Variants in HSD17B12 observed in about 807,000 individuals in gnomAD.
HSD17B12 encodes hydroxysteroid 17-beta dehydrogenase 12.
A neutral mutation model predicts 39.3 loss-of-function variants in HSD17B12; 32 were observed. That is an observed-to-expected ratio of 0.81 (90% CI 0.61 to 1.09). The LOEUF is 1.09. Ranked by LOEUF, HSD17B12 falls within the 50% of genes least tolerant of loss-of-function variation. The pLI is 0.00. For missense variants in HSD17B12, 342 were observed against 382.9 expected, an observed-to-expected ratio of 0.89 and a Z score of 0.89; for synonymous variants, 150 against 146.7, an observed-to-expected ratio of 1.02 and a Z score of -0.16.
chr11:43,715,680 G>A (rs942652730), intron 1 of HSD17B12, among the ~76,000 whole-genome samples: 1 of 152,108 alleles, frequency 6.6e-6, no homozygotes, highest in East Asian at 1.9e-4. Flanking sequence ...CTATTGATTG[G>A]AATAGTTTCA....
chr11:43,571,249 A>G, the HSD17B12 span, among the ~76,000 whole-genome samples: 1 of 152,196 alleles, frequency 6.6e-6, no homozygotes, highest in Non-Finnish European at 1.5e-5. Context: ...GGTTAAGGCT[A>G]AACTTATGCA....
chr11:43,832,755 C>T (rs1321350799), intron 7 of HSD17B12, among the ~76,000 whole-genome samples: 1 of 152,108 alleles, frequency 6.6e-6, no homozygotes, highest in East Asian at 1.9e-4. Context: ...TGAAGCTGGG[C>T]GCAGTGGTTC....
chr11:43,694,822 T>A (rs1046138489), intron 1 of HSD17B12, among the ~76,000 whole-genome samples: 5 of 151,802 alleles, frequency 3.3e-5, no homozygotes, highest in African/African-American at 1.2e-4. Context: ...AGAAAAAAAA[T>A]CTGTAAGAAA....
chr11:43,811,898 T>C (rs1951076885), intron 4 of HSD17B12, among the ~76,000 whole-genome samples: 1 of 152,126 alleles, frequency 6.6e-6, no homozygotes, highest in Non-Finnish European at 1.5e-5. Context: ...CACCTTCTGG[T>C]ATCTATTATT....
At chr11:43,790,455 C>T (rs1184905130) in intron 3 of HSD17B12, among the ~76,000 whole-genome samples, 1 of 152,188 alleles carries the variant, frequency 6.6e-6, no homozygotes, top group South Asian at 2.1e-4. Flanking sequence ...GGAGTCCCCC[C>T]CGTGTCTGCA....
chr11:43,647,337 G>A, the HSD17B12 span, among the ~76,000 whole-genome samples: 1 of 151,966 alleles, frequency 6.6e-6, no homozygotes, highest in African/African-American at 2.4e-5. Flanking sequence ...GTGCAGTGGT[G>A]TGATCATAGC....
intron 6 of HSD17B12, among the ~76,000 whole-genome samples, chr11:43,827,349 G>C (rs918269518): frequency 2.6e-5 from 4 of 152,092 alleles, no homozygotes; most frequent in Admixed American, 2.6e-4. Flanking sequence ...AAATGCCAAA[G>C]ATTACATGAT....
At chr11:43,671,223 G>A in the HSD17B12 span, among the ~76,000 whole-genome samples, 1 of 152,104 alleles carries the variant, frequency 6.6e-6, no homozygotes, top group African/African-American at 2.4e-5. Flanking sequence ...GGAGTGCAGT[G>A]GCGCCATCTT....
chr11:43,653,940 T>C, the HSD17B12 span, among the ~76,000 whole-genome samples: 16 of 152,330 alleles, frequency 1.1e-4, no homozygotes, highest in African/African-American at 3.8e-4. Context: ...AAATGGTATT[T>C]CTAGTTCTAG....
At chr11:43,698,758 C>G (rs1949935915) in intron 1 of HSD17B12, among the ~76,000 whole-genome samples, 1 of 152,140 alleles carries the variant, frequency 6.6e-6, no homozygotes, top group Non-Finnish European at 1.5e-5. Flanking sequence ...GGGCCTTTTC[C>G]CCTCTTCACC....
At chr11:43,743,861 C>A (rs1950390645) in intron 1 of HSD17B12, among the ~76,000 whole-genome samples, 1 of 152,006 alleles carries the variant, frequency 6.6e-6, no homozygotes, top group South Asian at 2.1e-4. Context: ...CTTAGAGGAA[C>A]AAAATATAAA....
Position 43,680,781 on chromosome 11 carries a change from C to CAT in HSD17B12, c.-46_-45insTA, listed in dbSNP as rs1307056120. The CAT allele has an allele frequency of 6.5e-7, 1 of 1,542,752 alleles. No individual in the cohort carries two copies. Among genetic ancestry groups the CAT allele is most frequent in the South Asian group, 1.1e-5 (1 of 89,532 alleles). ...GCCGGCGCCTCCTCCTGGATTCATT[C>CAT]ACTCGCTCTTTTCATTCACGAAGGT... On this transcript the variant is annotated 5_prime_UTR_variant, in exon 1 of 11. Transcript: ENST00000278353.
chr11:43,791,024 CTG>C (rs1263727291), intron 3 of HSD17B12, among the ~76,000 whole-genome samples: 1 of 151,816 alleles, frequency 6.6e-6, no homozygotes, highest in South Asian at 2.1e-4. Flanking sequence ...TAAAAAAAAA[CTG>C]TGTAGGGTGG....
the HSD17B12 span, among the ~76,000 whole-genome samples, chr11:43,571,380 C>G: frequency 4.6e-5 from 7 of 152,202 alleles, no homozygotes; most frequent in Non-Finnish European, 4.4e-5. Flanking sequence ...ATCCCTGCCC[C>G]AGCCTCAGCC....
the HSD17B12 span, among the ~76,000 whole-genome samples, chr11:43,560,517 G>A: frequency 8.5e-5 from 13 of 152,176 alleles, no homozygotes; most frequent in African/African-American, 2.7e-4. Flanking sequence ...CAAACAGAAA[G>A]CATGACCTCT....
intron 3 of HSD17B12, among the ~76,000 whole-genome samples, chr11:43,795,520 A>G (rs1357217022): frequency 6.6e-6 from 1 of 152,206 alleles, no homozygotes; most frequent in African/African-American, 2.4e-5. Flanking sequence ...GGTCAATAGC[A>G]TGCATGTACC....
the HSD17B12 span, among the ~76,000 whole-genome samples, chr11:43,588,966 A>G: frequency 1.1e-4 from 16 of 139,768 alleles, no homozygotes; most frequent in African/African-American, 4.0e-4. Context: ...TTTGCAAATC[A>G]CTCTTTTTGC....
At chr11:43,767,253 T>TA (rs1403361292) in intron 3 of HSD17B12, among the ~76,000 whole-genome samples, 1 of 152,204 alleles carries the variant, frequency 6.6e-6, no homozygotes, top group Non-Finnish European at 1.5e-5. Flanking sequence ...ACCAAGGTGT[T>TA]ATTAAATGAG....
chr11:43,765,633 A>C (rs945504699), intron 3 of HSD17B12, among the ~76,000 whole-genome samples: 1 of 152,002 alleles, frequency 6.6e-6, no homozygotes, highest in African/African-American at 2.4e-5. Context: ...GTCTTAACCC[A>C]CTGATGCTGT....
Sources: allele counts gnomAD v4.1 joint callset (sites outside exome capture counted in the v4.1 genomes callset), GRCh38; gene constraint gnomAD v4.1.1; transcripts MANE v1.5; gene names NCBI Gene and HGNC (gene_info 2026-07-23, HGNC 2026-07-21).